Variants in TCERG1 observed in about 807,000 individuals in gnomAD.
TCERG1 encodes transcription elongation regulator 1, also known as TATA box binding protein (TBP)-associated factor, RNA polymerase II, S, 150kD.
In TCERG1, 37 loss-of-function variants were observed where a neutral mutation model predicts 144.7. The observed-to-expected ratio is 0.26, with a 90% CI of 0.20 to 0.34. The LOEUF (loss-of-function observed/expected upper bound fraction) is 0.34, where lower values mean the gene tolerates loss of function less well. TCERG1 is among the 10% of genes least tolerant of loss of function. The pLI, the probability that TCERG1 is intolerant of heterozygous loss-of-function variation, is 1.00. For synonymous variants in TCERG1, 492 were observed against 458.2 expected (o/e 1.07, Z -0.94); for missense variants, 1,027 against 1,380.7 (o/e 0.74, Z 4.06).
intron 1 of TCERG1, among the ~76,000 whole-genome samples, chr5:146,454,805 C>T (rs1422130058): frequency 3.3e-5 from 5 of 152,020 alleles, no homozygotes; most frequent in South Asian, 2.1e-4. Flanking sequence ...ACCATGTTGT[C>T]GAGGTTGGTC....
intron 19 of TCERG1, 123 bp downstream of exon 19, chr5:146,504,129 C>A: frequency 9.4e-7 from 1 of 1,063,580 alleles, no homozygotes; most frequent in Non-Finnish European, 1.2e-6. Context: ...AATTAGAAAG[C>A]ATTTAAAAAT....
intron 15 of TCERG1, among the ~76,000 whole-genome samples, chr5:146,490,062 A>G (rs1766245667): frequency 6.6e-6 from 1 of 152,214 alleles, no homozygotes; most frequent in South Asian, 2.1e-4. Context: ...TATTTTATTT[A>G]TAAGTAAGTA....
At chr5:146,494,281 G>A (rs1221167909) in intron 16 of TCERG1, among the ~76,000 whole-genome samples, 4 of 152,032 alleles carry the variant, frequency 2.6e-5, no homozygotes, top group African/African-American at 9.7e-5. Flanking sequence ...GAGGAAAAAG[G>A]CTTTACTCTC....
At position 146,504,000 on chromosome 5, in the gene TCERG1, T is replaced by C; in HGVS notation, c.2775T>C (p.Ser925=). ...EAIQNFKALL[S]DMVRSSDVSW... is the part of the protein sequence containing the mutation. ...TCCAGAATTTCAAAGCTCTTCTGTC[T>C]GACATGGTATACGTTAATCTTTTAC... is the stretch of plus-strand genomic sequence containing the variant. The change falls in exon 19 of 23, where the codon TCT becomes TCC. Residue 925 remains serine (S), a synonymous_variant. Transcript: ENST00000679501. 2 of 1,573,812 alleles carry C rather than the reference T, an allele frequency of 1.3e-6. No homozygotes were observed. Among genetic ancestry groups the C allele is most frequent in the East Asian group, 2.3e-5 (1 of 44,434 alleles).
intron 17 of TCERG1, among the ~76,000 whole-genome samples, chr5:146,502,031 T>A (rs9325012): frequency 0.32 from 48,734 of 151,118 alleles, 8,670 homozygotes; most frequent in East Asian, 0.83. Context: ...AGTAGCTGGG[T>A]TTACAGGCAC....
At position 146,481,182 on chromosome 5, in the gene TCERG1, C is replaced by T. The variant is rs1765335389; in HGVS notation, c.1919C>T (p.Ala640Val). The T allele has an allele frequency of 2.0e-6, 2 of 985,248 alleles. No individual in the cohort carries two copies. The highest frequency in any genetic ancestry group is 2.4e-6 in the Non-Finnish European group (2 of 829,858). The allele number at this position is 985,248 out of a possible 1,614,324, so 61.0% of individuals were successfully genotyped here. ...TCAAAGAAGTCCTTTATGTGGATTG[C>T]CCGAGCTTCTCTATTTAGGTACAAA... Reference protein sequence around the residue: ...RMSKKSFMWIARASLFRRDDN... With the variant: ...RMSKKSFMWIVRASLFRRDDN... The change falls in exon 13 of 23, where the codon GCC becomes GTC. Residue 640 changes from alanine (A) to valine (V), a missense_variant. Physicochemically the swap from Ala to Val is moderately conservative, Grantham distance 64. Transcript: ENST00000679501.
chr5:146,500,793 C>T (rs911994763), intron 17 of TCERG1, among the ~76,000 whole-genome samples: 3 of 151,906 alleles, frequency 2.0e-5, no homozygotes, highest in African/African-American at 4.8e-5. Flanking sequence ...GGCTGAGGCA[C>T]GAGGATTGCT....
intron 4 of TCERG1, 34 bp from the exon 5 acceptor site, chr5:146,463,517 G>A (rs1763517235): frequency 1.2e-6 from 2 of 1,612,544 alleles, no homozygotes; most frequent in Non-Finnish European, 8.5e-7. Flanking sequence ...ATTTATGAAG[G>A]AGTGATACAT....
intron 19 of TCERG1, among the ~76,000 whole-genome samples, chr5:146,504,876 G>A (rs899117376): frequency 6.6e-6 from 1 of 152,002 alleles, no homozygotes; most frequent in Non-Finnish European, 1.5e-5. Flanking sequence ...GCGAAACCCC[G>A]TCTCTAATAA....
chr5:146,455,392 G>T lies in TCERG1; in HGVS notation c.285+111G>T, dbSNP rs550967540. On this transcript the variant is annotated intron_variant, in intron 2 of 22. Transcript: ENST00000679501. The stretch of plus-strand genomic sequence containing the variant: ...AATAGTTTCAGTTTATAGGAAAATG[G>T]GAGCTAAAGAGAAGATCCATATATT... 1.8e-4 allele frequency: 217 copies of T among 1,219,118 alleles called. 3 individuals are homozygous for T. The South Asian group carries it at 3.1e-3, about 18-fold the overall frequency. The allele number at this position is 1,219,118 out of a possible 1,614,324, so 75.5% of individuals were successfully genotyped here.
In TCERG1 at chr5:146,503,468, C is replaced by T. The variant is rs755170489; in HGVS notation, c.2527C>T (p.Arg843Cys). 2.5e-6 allele frequency: 4 copies of T among 1,613,706 alleles called. No homozygotes were observed. The highest frequency in any genetic ancestry group is 3.4e-6 in the Non-Finnish European group (4 of 1,179,910). The change falls in exon 18 of 23, where the codon CGT becomes TGT. Residue 843 changes from arginine (R) to cysteine (C), a missense_variant. By Grantham distance (180) the Arg-to-Cys change is radical (BLOSUM62 -3). Coordinates refer to ENST00000679501, the MANE Select transcript of TCERG1 (RefSeq NM_001382548.1). The stretch of plus-strand genomic sequence containing the variant: ...AAAAGACAAAGTAGAAAGTGATCCA[C>T]GTTACAAAGCAGTAGATAGTTCATC... ...KVKDKVESDP[R>C]YKAVDSSSMR...
At chr5:146,480,004 T>A (rs1765196426) in intron 11 of TCERG1, 24 bp from the exon 12 acceptor site, 12 of 1,591,610 alleles carry the variant, frequency 7.5e-6, no homozygotes, top group Non-Finnish European at 1.0e-5. Context: ...TTCCTAAATA[T>A]TTTAATTAAA....
At chr5:146,464,839 A>T (rs925346580) in intron 5 of TCERG1, among the ~76,000 whole-genome samples, 4 of 152,178 alleles carry the variant, frequency 2.6e-5, no homozygotes, top group Admixed American at 2.6e-4. Context: ...TTAGATTTGC[A>T]CACATCTTAA....
At chr5:146,500,403 TAA>T (rs35719861) in intron 17 of TCERG1, among the ~76,000 whole-genome samples, 48,738 of 151,138 alleles carry the variant, frequency 0.32, 8,687 homozygotes, top group East Asian at 0.83. Flanking sequence ...TGTGTATACT[TAA>T]AAAAAAAAAA....
rs1763140408 is a variant in TCERG1 at position 146,459,304 on chromosome 5, A to G, written c.859A>G (p.Thr287Ala). The G allele has an allele frequency of 6.2e-7, 1 of 1,614,058 alleles. No individual in the cohort carries two copies. The highest frequency in any genetic ancestry group is 8.5e-7 in the Non-Finnish European group (1 of 1,180,022). Reference protein sequence around the residue: ...STPSSTTSTTTTATSVAQTVS... With the variant: ...STPSSTTSTTATATSVAQTVS... Reference sequence around the variant, plus strand: ...CCCTTCCTCTACCACTTCTACCACAACAACTGCTACTTCAGTTGCGCAGAC... The same window carrying G: ...CCCTTCCTCTACCACTTCTACCACAGCAACTGCTACTTCAGTTGCGCAGAC... The change falls in exon 4 of 23, where the codon ACA (threonine) becomes GCA (alanine). Residue 287 changes from threonine to alanine, a missense_variant. Around this residue, in one of 6 missense-constraint regions of TCERG1, gnomAD observed 187 missense variants for 169.1 expected, o/e 1.11. Coordinates refer to ENST00000679501, the MANE Select transcript of TCERG1 (RefSeq NM_001382548.1).
At chr5:146,455,540 C>T (rs931625555) in intron 2 of TCERG1, among the ~76,000 whole-genome samples, 1 of 152,110 alleles carries the variant, frequency 6.6e-6, no homozygotes, top group Non-Finnish European at 1.5e-5. Flanking sequence ...CTACCTTTAG[C>T]TCTGTGAATT....
At chr5:146,501,978 T>C (rs1767508298) in intron 17 of TCERG1, among the ~76,000 whole-genome samples, 1 of 140,788 alleles carries the variant, frequency 7.1e-6, no homozygotes, top group Non-Finnish European at 1.5e-5. Flanking sequence ...CACTGCCACC[T>C]CTGCCTCCTG....
chr5:146,505,516 A>T (rs1479361449), intron 19 of TCERG1: 1 of 152,176 alleles, frequency 6.6e-6, no homozygotes, highest in Admixed American at 6.5e-5. Flanking sequence ...CTTGCTGAAC[A>T]TGCTTAATGA....
At chr5:146,501,478 T>C (rs945523304) in intron 17 of TCERG1, among the ~76,000 whole-genome samples, 1 of 152,258 alleles carries the variant, frequency 6.6e-6, no homozygotes, top group Non-Finnish European at 1.5e-5. Context: ...ATCCTTACTT[T>C]ATAGGTTTCG....
Sources: allele counts gnomAD v4.1 joint callset (sites outside exome capture counted in the v4.1 genomes callset), GRCh38; gene constraint gnomAD v4.1.1; regional missense constraint gnomAD v4.1.1; transcripts MANE v1.5; gene names NCBI Gene and HGNC (gene_info 2026-07-23, HGNC 2026-07-21).